Variants in PRKG1 observed in about 807,000 individuals in gnomAD.
The protein encoded by PRKG1 is protein kinase cGMP-dependent 1, also known as cGMP-dependent protein kinase 1.
PRKG1 carries 35 observed loss-of-function variants against 88.1 expected under a neutral mutation model. That is an observed-to-expected ratio of 0.40 (90% confidence interval 0.30 to 0.53). The LOEUF is 0.53. PRKG1 is among the 20% of genes least tolerant of loss of function. PRKG1 has a pLI of 0.59. For missense variants in PRKG1, 540 were observed against 839.8 expected (o/e 0.64, Z 4.41); for synonymous variants, 303 against 292.5 (o/e 1.04, Z -0.37).
At chr10:52,022,751 G>A (rs1003274239) in intron 5 of PRKG1, among the ~76,000 whole-genome samples, 8 of 152,012 alleles carry the variant, frequency 5.3e-5, no homozygotes, top group African/African-American at 1.2e-4. Context: ...AGGGGTATTT[G>A]GGTTTGTATG....
chr10:52,004,802 C>T (rs1013594380), intron 5 of PRKG1, among the ~76,000 whole-genome samples: 3 of 152,066 alleles, frequency 2.0e-5, no homozygotes, highest in Admixed American at 1.3e-4. Context: ...TGGCTCATGC[C>T]GGTAATCCCA....
intron 3 of PRKG1, among the ~76,000 whole-genome samples, chr10:51,514,046 A>T (rs1280912585): frequency 2.1e-5 from 3 of 143,566 alleles, no homozygotes; most frequent in Non-Finnish European, 3.0e-5. Context: ...CAAAAAATCA[A>T]TGAATCCAGG....
intron 3 of PRKG1, among the ~76,000 whole-genome samples, chr10:51,661,555 C>A (rs1352541154): frequency 2.0e-5 from 3 of 152,060 alleles, no homozygotes; most frequent in Admixed American, 1.3e-4. Context: ...GTTAGAATGG[C>A]AATCATTAAA....
chr10:52,178,585 C>T (rs978481462), intron 9 of PRKG1, among the ~76,000 whole-genome samples: 7 of 151,788 alleles, frequency 4.6e-5, no homozygotes, highest in Admixed American at 1.3e-4. Context: ...TGTTCAACAC[C>T]GACAGTGGGA....
At chr10:51,985,109 T>G (rs141992837) in intron 5 of PRKG1, among the ~76,000 whole-genome samples, 7 of 152,220 alleles carry the variant, frequency 4.6e-5, no homozygotes, top group African/African-American at 1.7e-4. Context: ...GAACTTTTCC[T>G]TCATAGAGCA....
chr10:51,832,147 C>G (rs753899239), intron 4 of PRKG1, among the ~76,000 whole-genome samples: 22 of 152,070 alleles, frequency 1.4e-4, no homozygotes, highest in Non-Finnish European at 2.2e-4. Context: ...GATATTTCAG[C>G]TTGAAGAAAG....
intron 10 of PRKG1, among the ~76,000 whole-genome samples, chr10:52,262,657 A>G (rs1841460117): frequency 6.6e-6 from 1 of 152,052 alleles, no homozygotes; most frequent in African/African-American, 2.4e-5. Flanking sequence ...TTATTACAAT[A>G]TTTTAACCTT....
intron 3 of PRKG1, among the ~76,000 whole-genome samples, chr10:51,649,592 A>G (rs180760633): frequency 1.1e-4 from 17 of 152,332 alleles, no homozygotes; most frequent in Middle Eastern, 3.4e-3. Context: ...CGTGACTGCA[A>G]GTTGCCCAGG....
chr10:51,911,192 A>C (rs1436783151), intron 5 of PRKG1: 1 of 152,098 alleles, frequency 6.6e-6, no homozygotes, highest in Non-Finnish European at 1.5e-5. Context: ...ATATAAAACT[A>C]CTTTTCCAAG....
chr10:51,819,006 C>CAAAAAAAA (rs869048560), intron 4 of PRKG1, among the ~76,000 whole-genome samples: 207 of 18,352 alleles, frequency 0.011, 47 homozygotes, highest in African/African-American at 0.016. Context: ...GACTCCGTCT[C>CAAAAAAAA]AAAAAAAAAA....
chr10:51,467,306 T>G (rs995811172), intron 2 of PRKG1, among the ~76,000 whole-genome samples: 1 of 151,986 alleles, frequency 6.6e-6, no homozygotes, highest in Admixed American at 6.6e-5. Context: ...TCAAAGTAAT[T>G]CCCCTCTTCA....
intron 3 of PRKG1, among the ~76,000 whole-genome samples, chr10:51,599,855 A>G (rs995069705): frequency 2.0e-5 from 3 of 152,178 alleles, no homozygotes; most frequent in African/African-American, 7.2e-5. Flanking sequence ...TGCTATGACT[A>G]CAAAATGCTG....
chr10:51,764,511 T>C (rs999776290), intron 3 of PRKG1, among the ~76,000 whole-genome samples: 36 of 152,148 alleles, frequency 2.4e-4, no homozygotes, highest in Admixed American at 1.8e-3. Flanking sequence ...GAAAGAAAAC[T>C]GTCAAGCTGG....
rs140501216 is a variant in PRKG1 at position 51,516,938 on chromosome 10, T to C, written c.592+49102T>C. ...AGAAAAGAACCATAGGAAGAACTAT[T>C]GAAGAAAATTAAGGAACCTATTTTA... On this transcript the variant is annotated intron_variant, in intron 3 of 17. Coordinates refer to ENST00000373980, the MANE Select transcript of PRKG1 (RefSeq NM_006258.4). 2.8e-4 allele frequency among the ~76,000 whole-genome samples: 43 copies of C among 152,218 alleles called. No individual in the cohort carries two copies. In the East Asian group the frequency reaches 7.0e-3, roughly 25 times the overall value.
chr10:51,215,433 TA>T (rs542358955), intron 2 of PRKG1, among the ~76,000 whole-genome samples: 26 of 152,266 alleles, frequency 1.7e-4, no homozygotes, highest in African/African-American at 6.3e-4. Flanking sequence ...GTCATATACA[TA>T]TTTTCTTAGG....
chr10:51,169,674 G>T (rs761830543), intron 2 of PRKG1, among the ~76,000 whole-genome samples: 9 of 134,544 alleles, frequency 6.7e-5, no homozygotes, highest in South Asian at 2.1e-4. Context: ...TAGGATGGAA[G>T]ACTACAGTGA....
At chr10:51,896,799 T>A (rs1841862346) in intron 4 of PRKG1, among the ~76,000 whole-genome samples, 1 of 152,006 alleles carries the variant, frequency 6.6e-6, no homozygotes, top group African/African-American at 2.4e-5. Context: ...TATACAATTC[T>A]CCAGTATAAG....
At chr10:52,214,833 A>G (rs1840069067) in intron 9 of PRKG1, among the ~76,000 whole-genome samples, 1 of 152,170 alleles carries the variant, frequency 6.6e-6, no homozygotes, top group Admixed American at 6.5e-5. Flanking sequence ...GACAATAGGA[A>G]GAAGATATGG....
intron 2 of PRKG1, among the ~76,000 whole-genome samples, chr10:51,219,158 T>G (rs1054191562): frequency 1.3e-5 from 2 of 152,220 alleles, no homozygotes; most frequent in Non-Finnish European, 2.9e-5. Flanking sequence ...TACAGATTAC[T>G]CATTTTCAAA....
Sources: gnomAD v4.1 joint callset for allele counts (sites outside exome capture counted in the v4.1 genomes callset) on GRCh38, gnomAD v4.1.1 for gene constraint, MANE v1.5 for transcripts, NCBI Gene and HGNC (gene_info 2026-07-23, HGNC 2026-07-21) for gene names.